USP13: variants seen among roughly 807,000 people sequenced by gnomAD.
USP13 encodes the protein ubiquitin specific peptidase 13, also known as ubiquitin carboxyl-terminal hydrolase 13.
A neutral mutation model predicts 107.8 loss-of-function variants in USP13; 68 were observed. The ratio of observed to expected loss-of-function variants is 0.63; its 90% CI spans 0.52 to 0.77. The LOEUF (loss-of-function observed/expected upper bound fraction) is 0.77, where lower values mean the gene tolerates loss of function less well. Ranked by LOEUF, USP13 falls within the 30% of genes least tolerant of loss-of-function variation. The pLI is 0.00. For synonymous variants in USP13, 377 were observed against 389.5 expected, an observed-to-expected ratio of 0.97 and a Z score of 0.38; for missense variants, 945 against 1,093.3, an observed-to-expected ratio of 0.86 and a Z score of 1.91.
chr3:179,737,672 C>T (rs369540756), intron 10 of USP13, among the ~76,000 whole-genome samples: 1 of 152,190 alleles, frequency 6.6e-6, no homozygotes, highest in East Asian at 1.9e-4. Context: ...GTAAGCTGGT[C>T]ATTTATATAC....
In USP13 at chr3:179,756,909, G is replaced by A. The variant is rs773153030; in HGVS notation, c.1922-143G>A. ...TATTACTGAGGCTGGGGTGGTCTGC[G>A]TGTGGTTGAGGGATTGACAACAGTG... On this transcript the variant is annotated intron_variant, in intron 15 of 20. Transcript: ENST00000263966. 1.5e-4 allele frequency: 115 copies of A among 760,584 alleles called. No individual in the cohort carries two copies. The African/African-American group carries it at 1.8e-3, about 12-fold the overall frequency. The allele number at this position is 760,584 out of a possible 1,614,324, so 47.1% of individuals were successfully genotyped here.
At chr3:179,699,132 A>G (rs926901989) in intron 3 of USP13, among the ~76,000 whole-genome samples, 1 of 152,054 alleles carries the variant, frequency 6.6e-6, no homozygotes, top group African/African-American at 2.4e-5. Flanking sequence ...CTTCCAAAGT[A>G]CTGGATTATA....
intron 17 of USP13, among the ~76,000 whole-genome samples, chr3:179,763,226 G>A (rs1715066099): frequency 1.3e-5 from 2 of 152,046 alleles, no homozygotes; most frequent in African/African-American, 4.8e-5. Context: ...TTTTGATGAT[G>A]TCCAATTTAT....
At position 179,689,145 on chromosome 3, in the gene USP13, G is replaced by A. The variant is rs570468232; in HGVS notation, c.295-1096G>A. 1.2e-4 allele frequency among the ~76,000 whole-genome samples: 18 copies of A among 152,286 alleles called. No homozygotes were observed. In the South Asian group the frequency reaches 3.7e-3, roughly 32 times the overall value. Reference sequence around the variant, plus strand: ...AAGGTCTCGACACCTGTGGCTGCTTGGAATGATGCGGCGTTAAACCCACAC... The same window carrying A: ...AAGGTCTCGACACCTGTGGCTGCTTAGAATGATGCGGCGTTAAACCCACAC... On this transcript the variant is annotated intron_variant, in intron 2 of 20. Coordinates refer to ENST00000263966, the MANE Select transcript of USP13 (RefSeq NM_003940.3).
At chr3:179,760,821 G>A (rs576516052) in intron 16 of USP13, among the ~76,000 whole-genome samples, 1 of 152,084 alleles carries the variant, frequency 6.6e-6, no homozygotes, top group African/African-American at 2.4e-5. Flanking sequence ...CTCTGAAATC[G>A]TTCTGGGAAT....
intron 1 of USP13, among the ~76,000 whole-genome samples, chr3:179,676,133 G>A (rs759074752): frequency 1.3e-5 from 2 of 152,070 alleles, no homozygotes; most frequent in Admixed American, 1.3e-4. Flanking sequence ...CCTTCCAGCC[G>A]CCCTGTGAAG....
At chr3:179,731,472 T>A (rs1276683974) in intron 10 of USP13, among the ~76,000 whole-genome samples, 4 of 152,120 alleles carry the variant, frequency 2.6e-5, no homozygotes, top group Non-Finnish European at 5.9e-5. Context: ...GGAATCAGAA[T>A]TTCAGGGGAG....
At chr3:179,727,470 C>T (rs1197846744) in intron 8 of USP13, among the ~76,000 whole-genome samples, 1 of 109,820 alleles carries the variant, frequency 9.1e-6, no homozygotes, top group Non-Finnish European at 2.0e-5. Context: ...TTTCAGATAG[C>T]ACAGGGTTGG....
At position 179,653,392 on chromosome 3, in the gene USP13, C is replaced by G; in HGVS notation, c.167C>G (p.Pro56Arg). Residue 56 changes from proline to arginine, a missense_variant and splice_region_variant, in exon 1 of 21, where the codon CCC becomes CGC. Transcript: ENST00000263966. The surrounding 1 kb of genome is among the most constrained non-coding windows in gnomAD (Gnocchi z 4.0). ...GAGTGCGCCTTCTCCTACGACTCTC[C>G]CGTAAGTGAGGCGCCTCGGGGGAGG... Reference protein sequence around the residue: ...KNECAFSYDSPNSEGGLYVCM... With the variant: ...KNECAFSYDSRNSEGGLYVCM... The G allele has an allele frequency of 6.4e-7, 1 of 1,557,258 alleles. No individual in the cohort carries two copies. The highest frequency in any genetic ancestry group is 8.7e-7 in the Non-Finnish European group (1 of 1,150,466).
chr3:179,715,596 C>G (rs1713087015), intron 6 of USP13, among the ~76,000 whole-genome samples: 1 of 152,046 alleles, frequency 6.6e-6, no homozygotes. Flanking sequence ...AACTCCTGAC[C>G]TTGTGATCCG....
At chr3:179,698,185 C>G (rs1712387785) in intron 3 of USP13, among the ~76,000 whole-genome samples, 1 of 152,116 alleles carries the variant, frequency 6.6e-6, no homozygotes, top group South Asian at 2.1e-4. Flanking sequence ...GTGATAACTT[C>G]TGAATACTCA....
rs1021075072 is a variant in USP13 at position 179,787,116 on chromosome 3, G to C, written c.*2975G>C. Reference sequence around the variant, plus strand: ...AACGTTGCTTCAATATTTTGGAATTGACCAGGCTGCTTTCTCCTACCTGCA... The same window carrying C: ...AACGTTGCTTCAATATTTTGGAATTCACCAGGCTGCTTTCTCCTACCTGCA... On this transcript the variant is annotated 3_prime_UTR_variant, in exon 21 of 21. Coordinates refer to ENST00000263966, the MANE Select transcript of USP13 (RefSeq NM_003940.3). The C allele has an allele frequency of 4.6e-5, 7 of 152,174 alleles. No homozygotes were observed. The highest frequency in any genetic ancestry group is 1.7e-4 in the African/African-American group (7 of 41,438). The allele number at this position is 152,174 out of a possible 1,614,324, so 9.4% of individuals were successfully genotyped here.
chr3:179,659,346 A>G (rs1176656957), intron 1 of USP13, among the ~76,000 whole-genome samples: 3 of 152,246 alleles, frequency 2.0e-5, no homozygotes, highest in African/African-American at 7.2e-5. Flanking sequence ...GCCAGTAATA[A>G]TAATGACATC....
chr3:179,691,176 A>G (rs1712105700), intron 3 of USP13, among the ~76,000 whole-genome samples: 1 of 151,882 alleles, frequency 6.6e-6, no homozygotes, highest in Non-Finnish European at 1.5e-5. Flanking sequence ...TTAAAAAAAA[A>G]AAAAAAAAGA....
At position 179,728,910 on chromosome 3, in the gene USP13, G is replaced by C. The variant is rs984425663; in HGVS notation, c.1089-1279G>C. Among the ~76,000 whole-genome samples the C allele has an allele frequency of 4.4e-5, 6 of 136,888 alleles. No homozygotes were observed. In the East Asian group the frequency reaches 1.3e-3, roughly 30 times the overall value. The allele number at this position is 136,888 out of a possible 152,430, so 89.8% of individuals were successfully genotyped here. ...GGCAGGAGAATCAGGCAGCAGTACC[G>C]TCCAGCTTCAGCTCGGCATCAGAGG... On this transcript the variant is annotated intron_variant, in intron 8 of 20. Transcript: ENST00000263966.
In USP13 at chr3:179,781,718, G is replaced by T. The variant is rs1450548046; in HGVS notation, c.2414-21G>T. The T allele has an allele frequency of 1.9e-6, 3 of 1,609,424 alleles. No homozygotes were observed. In the South Asian group the frequency reaches 3.3e-5, roughly 18 times the overall value. ...ATTCTGGAAATGCTGCCTTGTAACT[G>T]AGTTGTTTCCTCTTTCACAGCATAT... On this transcript the variant is annotated intron_variant, in intron 19 of 20. Coordinates refer to ENST00000263966, the MANE Select transcript of USP13 (RefSeq NM_003940.3).
intron 19 of USP13, among the ~76,000 whole-genome samples, chr3:179,777,433 C>T (rs1715583871): frequency 2.1e-5 from 3 of 141,510 alleles, no homozygotes; most frequent in African/African-American, 7.9e-5. Context: ...ATTGTATCCT[C>T]TCTCTCTCTC....
At position 179,758,647 on chromosome 3, in the gene USP13, T is replaced by C. The variant is rs532808179; in HGVS notation, c.1948+1569T>C. On this transcript the variant is annotated intron_variant, in intron 16 of 20. Transcript: ENST00000263966. ...CCGAGTAGCTGGGACTACAGGCGCCTGCCACCACAACCGGCTCATTTTTTG... is the reference window on the plus strand; with the variant it reads ...CCGAGTAGCTGGGACTACAGGCGCCCGCCACCACAACCGGCTCATTTTTTG... 2.6e-3 allele frequency among the ~76,000 whole-genome samples: 385 copies of C among 150,316 alleles called. 1 individual carries two copies. The highest frequency in any genetic ancestry group is 4.1e-3 in the Non-Finnish European group (275 of 67,470).
rs1486509141 is a variant in USP13, at chr3:179,730,603, C to G, written c.1161-13C>G. 4.4e-6 allele frequency: 7 copies of G among 1,597,986 alleles called. No individual in the cohort carries two copies. The highest frequency in any genetic ancestry group is 6.0e-6 in the Non-Finnish European group (7 of 1,171,136). ...CAATGACCTTTTTGTTTCTGTTTCT[C>G]TGTCCTGGCCAGGACTAAGTTAGGA... On this transcript the variant is annotated splice_polypyrimidine_tract_variant and intron_variant, in intron 9 of 20. Coordinates refer to ENST00000263966, the MANE Select transcript of USP13 (RefSeq NM_003940.3).
Sources: allele counts gnomAD v4.1 joint callset (sites outside exome capture counted in the v4.1 genomes callset), GRCh38; gene constraint gnomAD v4.1.1; non-coding constraint Gnocchi (gnomAD v3.1); transcripts MANE v1.5; gene names NCBI Gene and HGNC (gene_info 2026-07-23, HGNC 2026-07-21).